The following IL1R2 variants were observed in gnomAD, a reference collection of about 807,000 sequenced individuals.
IL1R2 encodes interleukin 1 receptor type 2, also known as interleukin-1 receptor type 2.
IL1R2 carries 46 observed loss-of-function variants against 39.5 expected under a neutral mutation model. The observed-to-expected ratio is 1.16, with a 90% CI of 0.92 to 1.49. The LOEUF (loss-of-function observed/expected upper bound fraction) is 1.49, where lower values mean the gene tolerates loss of function less well. Ranked by LOEUF, IL1R2 falls within the 40% of genes most tolerant of loss-of-function variation. The pLI is 0.00. For missense variants in IL1R2, 537 were observed against 502.0 expected, an observed-to-expected ratio of 1.07 and a Z score of -0.67; for synonymous variants, 207 against 189.6, an observed-to-expected ratio of 1.09 and a Z score of -0.75.
chr2:102,005,115 G>A (rs781058201), intron 1 of IL1R2, among the ~76,000 whole-genome samples: 6 of 152,214 alleles, frequency 3.9e-5, no homozygotes, highest in Non-Finnish European at 7.3e-5. Context: ...TCTGTGAAGC[G>A]TTAGCTACTG....
chr2:102,002,391 G>GGTCTGT (rs1207888437), intron 1 of IL1R2, among the ~76,000 whole-genome samples: 4 of 140,726 alleles, frequency 2.8e-5, no homozygotes, highest in South Asian at 2.2e-4. Flanking sequence ...TCTAGGTCTA[G>GGTCTGT]GTCTGTGTCT....
intron 8 of IL1R2, 39 bp downstream of exon 8, chr2:102,026,292 A>G: frequency 6.7e-7 from 1 of 1,494,368 alleles, no homozygotes. Context: ...GGAGAATATA[A>G]CATGTTGAAT....
At chr2:101,993,565 T>C (rs1420904672) in intron 1 of IL1R2, among the ~76,000 whole-genome samples, 1 of 152,160 alleles carries the variant, frequency 6.6e-6, no homozygotes, top group Non-Finnish European at 1.5e-5. Flanking sequence ...TCTTTGTTTC[T>C]CTCTGTCTGC....
chr2:102,017,398 G>GA (rs56358561), intron 4 of IL1R2, among the ~76,000 whole-genome samples: 2,251 of 113,286 alleles, frequency 0.02, 33 homozygotes, highest in Non-Finnish European at 0.029. Context: ...CTCCATCTCA[G>GA]AAAAAAAAAA....
intron 6 of IL1R2, among the ~76,000 whole-genome samples, chr2:102,023,899 A>T (rs1490721909): frequency 1.3e-5 from 2 of 151,482 alleles, no homozygotes; most frequent in Non-Finnish European, 2.9e-5. Flanking sequence ...ATACAAAAAA[A>T]ATTAGCCGGG....
intron 3 of IL1R2, among the ~76,000 whole-genome samples, chr2:102,013,587 G>GAAA (rs57976300): frequency 1.6e-5 from 1 of 60,964 alleles, no homozygotes; most frequent in African/African-American, 5.0e-5. Context: ...AAAAGAAAAA[G>GAAA]AAAAAAAAAA....
chr2:102,008,557 C>G lies in IL1R2; in HGVS notation c.-19C>G. On this transcript the variant is annotated 5_prime_UTR_variant, in exon 2 of 9. Coordinates refer to ENST00000332549, the MANE Select transcript of IL1R2 (RefSeq NM_004633.4). ...CTCAGTCCTCCACTTCCCGTGTCCT[C>G]TGGAAGTTGTCAGGAGCAATGTTGC... The G allele has an allele frequency of 1.2e-6, 2 of 1,612,552 alleles. No individual in the cohort carries two copies. The highest frequency in any genetic ancestry group is 1.3e-5 in the African/African-American group (1 of 74,998).
intron 4 of IL1R2, among the ~76,000 whole-genome samples, chr2:102,017,719 G>A (rs921642224): frequency 1.3e-5 from 2 of 151,888 alleles, no homozygotes; most frequent in South Asian, 2.1e-4. Flanking sequence ...TTTCAGGGTC[G>A]GTAAATTAAG....
At chr2:102,021,054 G>A (rs1375460765) in intron 5 of IL1R2, among the ~76,000 whole-genome samples, 1 of 152,170 alleles carries the variant, frequency 6.6e-6, no homozygotes, top group Non-Finnish European at 1.5e-5. Flanking sequence ...CTCCCTGGAT[G>A]CCCCAGCTCC....
rs1434831059 is a variant in IL1R2 at position 102,016,150 on chromosome 2, C to T, written c.513+99C>T. ...ATATCGATTTTCTGAAGACAGTGCA[C>T]ACACACACACGCACAAACACACACA... On this transcript the variant is annotated intron_variant, in intron 4 of 8. Coordinates refer to ENST00000332549, the MANE Select transcript of IL1R2 (RefSeq NM_004633.4). The T allele has an allele frequency of 8.9e-6, 8 of 899,154 alleles. No individual in the cohort carries two copies. In the East Asian group the frequency reaches 1.3e-4, roughly 15 times the overall value. 55.7% of individuals were successfully genotyped at this position (899,154 alleles called of 1,614,324 possible). A position where few individuals can be genotyped will look rare whatever the true frequency, so the allele number is the denominator to read the frequency against.
At chr2:102,009,105 A>C (rs920665971) in intron 2 of IL1R2, among the ~76,000 whole-genome samples, 1 of 152,168 alleles carries the variant, frequency 6.6e-6, no homozygotes, top group African/African-American at 2.4e-5. Context: ...TGCTTGTCAA[A>C]GAGCAAACTG....
At chr2:101,996,664 G>A (rs1384764049) in intron 1 of IL1R2, among the ~76,000 whole-genome samples, 1 of 151,044 alleles carries the variant, frequency 6.6e-6, no homozygotes, top group Non-Finnish European at 1.5e-5. Context: ...CATCTGTTTT[G>A]ACATCTTAAA....
intron 1 of IL1R2, among the ~76,000 whole-genome samples, chr2:101,997,056 A>C (rs1675626044): frequency 6.6e-6 from 1 of 152,174 alleles, no homozygotes; most frequent in African/African-American, 2.4e-5. Flanking sequence ...AAGCCTGAGA[A>C]GAGGGGGACA....
rs1283074330 is a variant in IL1R2 at position 102,024,397 on chromosome 2, A to T, written c.752-136A>T. ...TGTGTGAACAGAATCATTTGAGAAA[A>T]CTAAATTTTCTACCAAGGAAAGAAT... On this transcript the variant is annotated intron_variant, in intron 6 of 8. Coordinates refer to ENST00000332549, the MANE Select transcript of IL1R2 (RefSeq NM_004633.4). 3 of 669,978 alleles carry T rather than the reference A, an allele frequency of 4.5e-6. No individual in the cohort carries two copies. The East Asian group carries it at 7.7e-5, about 17-fold the overall frequency. 41.5% of individuals were successfully genotyped at this position (669,978 alleles called of 1,614,324 possible).
intron 3 of IL1R2, among the ~76,000 whole-genome samples, chr2:102,010,595 T>A (rs923149638): frequency 6.8e-6 from 1 of 147,766 alleles, no homozygotes; most frequent in Non-Finnish European, 1.5e-5. Flanking sequence ...AAAAAAAAAA[T>A]TAGTCCAACT....
Position 102,011,393 on chromosome 2 carries a change from CAT to C in IL1R2, c.332+1568_332+1569del, listed in dbSNP as rs753789432. 3.1e-4 allele frequency among the ~76,000 whole-genome samples: 47 copies of C among 152,350 alleles called. 1 individual carries two copies. Among genetic ancestry groups the C allele is most frequent in the Admixed American group, 7.2e-4 (11 of 15,304 alleles). On this transcript the variant is annotated intron_variant, in intron 3 of 8. Coordinates refer to ENST00000332549, the MANE Select transcript of IL1R2 (RefSeq NM_004633.4). ...CAATTTCTCTACATACTCACCAACA[CAT>C]GTTATTTTCTATTATTTTTGATAAT...
At chr2:102,012,789 A>T (rs2150440168) in intron 3 of IL1R2, among the ~76,000 whole-genome samples, 1 of 152,310 alleles carries the variant, frequency 6.6e-6, no homozygotes, top group Middle Eastern at 3.4e-3. Flanking sequence ...CCACAGTAAA[A>T]ATTCTAATTT....
intron 6 of IL1R2, among the ~76,000 whole-genome samples, chr2:102,023,892 C>CA (rs938368111): frequency 2.0e-5 from 3 of 150,904 alleles, no homozygotes; most frequent in South Asian, 2.1e-4. Flanking sequence ...CTAAAAAATA[C>CA]AAAAAAAATT....
chr2:102,023,174 T>C (rs1204547817), intron 6 of IL1R2, among the ~76,000 whole-genome samples: 1 of 152,240 alleles, frequency 6.6e-6, no homozygotes, highest in Non-Finnish European at 1.5e-5. Flanking sequence ...ATTTGCTTTT[T>C]CCTTTTGTTT....
Sources: gnomAD v4.1 joint callset for allele counts (sites outside exome capture counted in the v4.1 genomes callset) on GRCh38, gnomAD v4.1.1 for gene constraint, MANE v1.5 for transcripts, NCBI Gene and HGNC (gene_info 2026-07-23, HGNC 2026-07-21) for gene names.